Variants in SCAMP2 observed in about 807,000 individuals in gnomAD.
SCAMP2 encodes secretory carrier membrane protein 2, also known as secretory carrier-associated membrane protein 2.
SCAMP2 carries 25 observed loss-of-function variants against 44.1 expected under a neutral mutation model. The ratio of observed to expected loss-of-function variants is 0.57; its 90% CI spans 0.41 to 0.79. The LOEUF (loss-of-function observed/expected upper bound fraction) is 0.79, where lower values mean the gene tolerates loss of function less well. SCAMP2 is among the 30% of genes least tolerant of loss of function. SCAMP2 has a pLI of 0.00. For missense variants in SCAMP2, 355 were observed against 411.0 expected (o/e 0.86, Z 1.18); for synonymous variants, 156 against 166.0 (o/e 0.94, Z 0.46).
At chr15:74,846,504 C>G (rs1325383872) in intron 7 of SCAMP2, among the ~76,000 whole-genome samples, 2 of 151,884 alleles carry the variant, frequency 1.3e-5, no homozygotes, top group Non-Finnish European at 2.9e-5. Flanking sequence ...TGGCTCAAGC[C>G]CGTAATCCCA....
intron 1 of SCAMP2, among the ~76,000 whole-genome samples, chr15:74,867,213 T>C (rs1452120071): frequency 3.3e-5 from 5 of 152,264 alleles, no homozygotes; most frequent in African/African-American, 1.2e-4. Context: ...TGCACTAACG[T>C]GAACATCTCA....
intron 1 of SCAMP2, among the ~76,000 whole-genome samples, chr15:74,857,085 C>T (rs558326861): frequency 3.3e-5 from 5 of 152,294 alleles, no homozygotes; most frequent in African/African-American, 9.6e-5. Flanking sequence ...ACAGATACTT[C>T]CTCTTATCTC....
chr15:74,859,853 C>T (rs1379344551), intron 1 of SCAMP2, among the ~76,000 whole-genome samples: 4 of 152,148 alleles, frequency 2.6e-5, no homozygotes, highest in African/African-American at 9.7e-5. Context: ...GCTGTCTGAG[C>T]TCTCTGTGAC....
intron 1 of SCAMP2, among the ~76,000 whole-genome samples, chr15:74,864,844 T>A (rs2141180700): frequency 6.6e-6 from 1 of 151,898 alleles, no homozygotes; most frequent in East Asian, 1.9e-4. Context: ...CCCAGCACTT[T>A]GGGAGGGTGA....
chr15:74,856,478 T>C (rs1328948863), intron 1 of SCAMP2, among the ~76,000 whole-genome samples: 1 of 151,794 alleles, frequency 6.6e-6, no homozygotes, highest in Non-Finnish European at 1.5e-5. Context: ...TTTCACCATG[T>C]TGGGCAAGCT....
At chr15:74,847,340 C>T (rs998856468) in intron 7 of SCAMP2, among the ~76,000 whole-genome samples, 3 of 152,156 alleles carry the variant, frequency 2.0e-5, no homozygotes, top group South Asian at 2.1e-4. Flanking sequence ...GTGATCCACC[C>T]GCCTTGGCCT....
At chr15:74,860,510 A>T (rs2064496381) in intron 1 of SCAMP2, among the ~76,000 whole-genome samples, 1 of 151,368 alleles carries the variant, frequency 6.6e-6, no homozygotes, top group Non-Finnish European at 1.5e-5. Flanking sequence ...CCAAGATGGC[A>T]AAACCCCATA....
intron 1 of SCAMP2, among the ~76,000 whole-genome samples, chr15:74,869,858 C>T (rs2064563862): frequency 6.6e-6 from 1 of 152,166 alleles, no homozygotes; most frequent in South Asian, 2.1e-4. Context: ...CTCTCCTGAG[C>T]TTGGTGCCAA....
intron 1 of SCAMP2, among the ~76,000 whole-genome samples, chr15:74,869,132 CA>C (rs767239997): frequency 6.6e-6 from 1 of 152,030 alleles, no homozygotes; most frequent in Non-Finnish European, 1.5e-5. Context: ...CTAGCCTGGG[CA>C]AAAGAGCGAA....
intron 1 of SCAMP2, among the ~76,000 whole-genome samples, chr15:74,861,665 A>G (rs934888467): frequency 1.2e-4 from 18 of 151,962 alleles, no homozygotes; most frequent in Admixed American, 2.0e-4. Flanking sequence ...TTGGGAGGCC[A>G]AGGTGGGCAG....
At chr15:74,846,501 A>G (rs1162464745) in intron 7 of SCAMP2, among the ~76,000 whole-genome samples, 1 of 151,660 alleles carries the variant, frequency 6.6e-6, no homozygotes, top group Non-Finnish European at 1.5e-5. Flanking sequence ...CAGTGGCTCA[A>G]GCCCGTAATC....
intron 3 of SCAMP2, chr15:74,852,805 G>C (rs73434498): frequency 0.023 from 3,448 of 152,776 alleles, 95 homozygotes; most frequent in Admixed American, 0.059. Context: ...GCCCTGCCTG[G>C]CTTTAGTGGC....
At chr15:74,873,150 G>A (rs547914722) in intron 1 of SCAMP2, 49 bp downstream of exon 1, 8 of 1,390,250 alleles carry the variant, frequency 5.8e-6, no homozygotes, top group Non-Finnish European at 7.5e-6. Flanking sequence ...GGCGGCGGCC[G>A]TGGGCCCTAG....
chr15:74,845,689 C>T, intron 7 of SCAMP2, 96 bp from the exon 8 acceptor site: 1 of 1,469,698 alleles, frequency 6.8e-7, no homozygotes, highest in Admixed American at 1.7e-5. Flanking sequence ...TGTGTCCTGA[C>T]CATCACCTTG....
chr15:74,864,825 G>A (rs565398767), intron 1 of SCAMP2, among the ~76,000 whole-genome samples: 144 of 152,256 alleles, frequency 9.5e-4, no homozygotes, highest in Non-Finnish European at 1.4e-3. Flanking sequence ...AGTGGCTCAC[G>A]CCTGTAATCC....
rs573712170 is a variant in SCAMP2 at position 74,870,537 on chromosome 15, T to A, written c.57+2662A>T. Among the ~76,000 whole-genome samples, 10 of 152,304 alleles carry A rather than the reference T, an allele frequency of 6.6e-5. 1 individual carries two copies. The South Asian group carries it at 2.1e-3, about 32-fold the overall frequency. ...ATACAGCAGTTTTGTAATTAAAGTC[T>A]GTTACCAGAAGACATTGGCAGAAAA... On this transcript the variant is annotated intron_variant, in intron 1 of 8. Coordinates refer to ENST00000268099, the MANE Select transcript of SCAMP2 (RefSeq NM_005697.5).
At chr15:74,846,446 CAAAAA>C (rs35643920) in intron 7 of SCAMP2, among the ~76,000 whole-genome samples, 2 of 109,432 alleles carry the variant, frequency 1.8e-5, no homozygotes, top group Non-Finnish European at 1.8e-5. Flanking sequence ...ACCCTGTCTC[CAAAAA>C]AAAAAAAAAA....
chr15:74,847,086 A>ATTTTTTTTTTTTTTTTTTTTTTTTTTTT (rs34231883), intron 7 of SCAMP2, among the ~76,000 whole-genome samples: 2 of 109,280 alleles, frequency 1.8e-5, no homozygotes, highest in African/African-American at 3.4e-5. Flanking sequence ...TTGTCAGTTA[A>ATTTTTTTTTTTTTTTTTTTTTTTTTTTT]TTTTTTTTTT....
chr15:74,848,750 C>A, intron 6 of SCAMP2, 49 bp from the exon 7 acceptor site: 1 of 1,347,266 alleles, frequency 7.4e-7, no homozygotes, highest in East Asian at 2.4e-5. Context: ...GGCTGTGTTC[C>A]TCAGCATCCT....
Sources: allele counts gnomAD v4.1 joint callset (sites outside exome capture counted in the v4.1 genomes callset), GRCh38; gene constraint gnomAD v4.1.1; transcripts MANE v1.5; gene names NCBI Gene and HGNC (gene_info 2026-07-23, HGNC 2026-07-21).